Variants in PTPRO observed in about 807,000 individuals in gnomAD.
PTPRO encodes the protein receptor-type tyrosine-protein phosphatase O.
A neutral mutation model predicts 145.2 loss-of-function variants in PTPRO; 62 were observed. The ratio of observed to expected loss-of-function variants is 0.43; its 90% CI spans 0.35 to 0.53. PTPRO has a LOEUF of 0.53. Ranked by LOEUF, PTPRO falls within the 20% of genes least tolerant of loss-of-function variation. The pLI, the probability that PTPRO is intolerant of heterozygous loss-of-function variation, is 0.01. For synonymous variants in PTPRO, 565 were observed against 514.7 expected, an observed-to-expected ratio of 1.10 and a Z score of -1.32; for missense variants, 1,345 against 1,482.7, an observed-to-expected ratio of 0.91 and a Z score of 1.53.
At chr12:15,500,384 G>C (rs1028892322) in intron 4 of PTPRO, among the ~76,000 whole-genome samples, 1 of 152,132 alleles carries the variant, frequency 6.6e-6, no homozygotes, top group African/African-American at 2.4e-5. Flanking sequence ...CAACAGTTAA[G>C]ATTCTATTTA....
At position 15,516,974 on chromosome 12, in the gene PTPRO, A is replaced by C; in HGVS notation, c.1779+18A>C. The C allele has an allele frequency of 6.3e-7, 1 of 1,598,712 alleles. No individual in the cohort carries two copies. ...CATCCGTGGTAATCTTCCCTTAACC[A>C]ACTGTCAGTCTTTCCTATGGGAACA... On this transcript the variant is annotated intron_variant, in intron 9 of 26. Transcript: ENST00000281171.
At chr12:15,342,122 ACTTT>A (rs1423241856) in intron 1 of PTPRO, among the ~76,000 whole-genome samples, 1 of 152,170 alleles carries the variant, frequency 6.6e-6, no homozygotes, top group East Asian at 1.9e-4. Flanking sequence ...ACACGGTAGT[ACTTT>A]CTTTTTCTTT....
chr12:15,381,696 G>A (rs992979324), intron 1 of PTPRO, among the ~76,000 whole-genome samples: 11 of 152,074 alleles, frequency 7.2e-5, no homozygotes, highest in Non-Finnish European at 1.0e-4. Context: ...CAGCTCCCAT[G>A]GAAAATTTGC....
intron 1 of PTPRO, among the ~76,000 whole-genome samples, chr12:15,459,965 T>C (rs253804): frequency 0.88 from 133,439 of 152,202 alleles, 60,680 homozygotes; most frequent in Non-Finnish European, 0.99. Context: ...TTATGTTCCT[T>C]GGGTTTATTT....
intron 1 of PTPRO, among the ~76,000 whole-genome samples, chr12:15,371,169 C>T (rs1243152477): frequency 6.6e-6 from 1 of 151,664 alleles, no homozygotes; most frequent in Admixed American, 6.6e-5. Context: ...TCTTGTAAAA[C>T]TTGTAGTACT....
At chr12:15,561,638 A>G (rs1474685084) in intron 17 of PTPRO, among the ~76,000 whole-genome samples, 1 of 152,132 alleles carries the variant, frequency 6.6e-6, no homozygotes, top group Non-Finnish European at 1.5e-5. Flanking sequence ...GACATCAAAT[A>G]GTTTTCAGGT....
At chr12:15,505,849 G>A (rs1056252225) in intron 6 of PTPRO, among the ~76,000 whole-genome samples, 11 of 152,096 alleles carry the variant, frequency 7.2e-5, no homozygotes, top group South Asian at 4.1e-4. Flanking sequence ...TGTTTATGTC[G>A]TTGCATTATA....
chr12:15,397,075 C>A (rs1404128451), intron 1 of PTPRO, among the ~76,000 whole-genome samples: 1 of 151,950 alleles, frequency 6.6e-6, no homozygotes. Context: ...GATAATTGTC[C>A]TCAATAGAAA....
At chr12:15,533,617 T>G (rs979571545) in intron 12 of PTPRO, among the ~76,000 whole-genome samples, 6 of 152,194 alleles carry the variant, frequency 3.9e-5, no homozygotes, top group Non-Finnish European at 8.8e-5. Context: ...AAATAATATC[T>G]TGCTTTAGTA....
At chr12:15,400,145 C>T (rs796348106) in intron 1 of PTPRO, among the ~76,000 whole-genome samples, 6 of 150,832 alleles carry the variant, frequency 4.0e-5, no homozygotes, top group African/African-American at 1.5e-4. Flanking sequence ...CATGCGCCAC[C>T]ACGCCCAGCT....
chr12:15,456,784 T>C (rs1370716527), intron 1 of PTPRO, among the ~76,000 whole-genome samples: 6 of 152,194 alleles, frequency 3.9e-5, no homozygotes, highest in African/African-American at 1.4e-4. Flanking sequence ...ATTCTTTTTA[T>C]TTCTATGGTA....
chr12:15,421,231 T>C (rs922253778), intron 1 of PTPRO, among the ~76,000 whole-genome samples: 32 of 152,222 alleles, frequency 2.1e-4, no homozygotes, highest in African/African-American at 7.7e-4. Flanking sequence ...AAATAGGATA[T>C]TTCATTTAAC....
intron 13 of PTPRO, 103 bp from the exon 14 acceptor site, chr12:15,548,991 A>T: frequency 7.7e-7 from 1 of 1,298,342 alleles, no homozygotes; most frequent in Non-Finnish European, 1.1e-6. Flanking sequence ...CATCTTATAC[A>T]TTTTTTACTC....
At chr12:15,390,152 C>A (rs187470757) in intron 1 of PTPRO, among the ~76,000 whole-genome samples, 8 of 152,128 alleles carry the variant, frequency 5.3e-5, no homozygotes, top group Non-Finnish European at 1.2e-4. Context: ...AGCTTAGGGA[C>A]AACAGGGGAA....
In PTPRO at chr12:15,580,632, G is replaced by A. The variant is rs1040039178; in HGVS notation, c.2998-65G>A. 6.2e-6 allele frequency: 10 copies of A among 1,605,272 alleles called. No homozygotes were observed. The African/African-American group carries it at 1.3e-4, about 21-fold the overall frequency. On this transcript the variant is annotated intron_variant, in intron 21 of 26. Coordinates refer to ENST00000281171, the MANE Select transcript of PTPRO (RefSeq NM_030667.3). ...TAAGTTTTCAGTTTTTTTCCCATAG[G>A]CGTGAAGCAGCATTTGGTGTTGACA...
chr12:15,473,037 G>T (rs1375728822), intron 1 of PTPRO, among the ~76,000 whole-genome samples: 1 of 152,180 alleles, frequency 6.6e-6, no homozygotes. Context: ...GCTTCAAGGT[G>T]CCTGCTCAGA....
At chr12:15,478,183 A>G (rs1309039533) in intron 1 of PTPRO, among the ~76,000 whole-genome samples, 1 of 152,220 alleles carries the variant, frequency 6.6e-6, no homozygotes, top group African/African-American at 2.4e-5. Flanking sequence ...ACAATGCAAT[A>G]CTTCTAGATT....
At chr12:15,395,514 A>AT (rs1013322528) in intron 1 of PTPRO, among the ~76,000 whole-genome samples, 9 of 152,020 alleles carry the variant, frequency 5.9e-5, no homozygotes, top group African/African-American at 2.2e-4. Flanking sequence ...AATGTTAATG[A>AT]TAAAAAAAAA....
At chr12:15,441,520 G>A (rs1304980495) in intron 1 of PTPRO, among the ~76,000 whole-genome samples, 1 of 152,086 alleles carries the variant, frequency 6.6e-6, no homozygotes, top group Non-Finnish European at 1.5e-5. Flanking sequence ...CAGATATTGA[G>A]AATCAAATTG....
Sources: gnomAD v4.1 joint callset for allele counts (sites outside exome capture counted in the v4.1 genomes callset) on GRCh38, gnomAD v4.1.1 for gene constraint, MANE v1.5 for transcripts, NCBI Gene and HGNC (gene_info 2026-07-23, HGNC 2026-07-21) for gene names.